The following PLPPR1 variants were observed in gnomAD, a reference collection of about 807,000 sequenced individuals.
The protein encoded by PLPPR1 is phospholipid phosphatase related 1, also known as phospholipid phosphatase-related protein type 1.
A neutral mutation model predicts 33.1 loss-of-function variants in PLPPR1; 10 were observed. That is an observed-to-expected ratio of 0.30 (90% CI 0.19 to 0.51). PLPPR1 has a LOEUF of 0.51. Among genes scored for constraint, PLPPR1 ranks in the 20% least tolerant of loss-of-function variants. The pLI is 0.97. For missense variants in PLPPR1, 304 were observed against 408.1 expected (o/e 0.74, Z 2.20); for synonymous variants, 151 against 151.0 (o/e 1.00, Z 0.00).
chr9:101,151,158 G>T (rs1263552360), intron 1 of PLPPR1, among the ~76,000 whole-genome samples: 1 of 151,872 alleles, frequency 6.6e-6, no homozygotes, highest in Non-Finnish European at 1.5e-5. Context: ...AGCCATGTGT[G>T]GATTATAGAA....
chr9:101,042,873 G>C (rs903788800), intron 1 of PLPPR1, among the ~76,000 whole-genome samples: 1 of 152,104 alleles, frequency 6.6e-6, no homozygotes, highest in African/African-American at 2.4e-5. Flanking sequence ...TTTCTCCTCT[G>C]ACTTTTCCCT....
intron 1 of PLPPR1, among the ~76,000 whole-genome samples, chr9:101,171,504 A>G (rs1825940545): frequency 6.6e-6 from 1 of 152,140 alleles, no homozygotes; most frequent in Non-Finnish European, 1.5e-5. Flanking sequence ...GATCTAGCAG[A>G]AAGAAACTGG....
At chr9:101,260,474 C>T (rs1296846423) in intron 2 of PLPPR1, among the ~76,000 whole-genome samples, 1 of 151,968 alleles carries the variant, frequency 6.6e-6, no homozygotes, top group Non-Finnish European at 1.5e-5. Flanking sequence ...GTAAGGAGAC[C>T]CTTCAGTAAG....
chr9:101,230,238 T>G (rs1242705412), intron 2 of PLPPR1, among the ~76,000 whole-genome samples: 5 of 152,168 alleles, frequency 3.3e-5, no homozygotes, highest in African/African-American at 7.2e-5. Flanking sequence ...AGGATATCGA[T>G]GCAGAGTTCT....
At chr9:101,129,780 G>A (rs1831293047) in intron 1 of PLPPR1, among the ~76,000 whole-genome samples, 1 of 151,998 alleles carries the variant, frequency 6.6e-6, no homozygotes, top group Admixed American at 6.5e-5. Flanking sequence ...GAAGTGAGGC[G>A]AGATCACGCC....
chr9:101,134,057 A>G (rs1462355141), intron 1 of PLPPR1, among the ~76,000 whole-genome samples: 1 of 152,226 alleles, frequency 6.6e-6, no homozygotes, highest in Non-Finnish European at 1.5e-5. Context: ...CTAATATTCA[A>G]GGACAGTTGA....
At chr9:101,078,852 C>T (rs1830582061) in intron 1 of PLPPR1, among the ~76,000 whole-genome samples, 1 of 152,096 alleles carries the variant, frequency 6.6e-6, no homozygotes. Flanking sequence ...TACAGAAAAA[C>T]TCAGCCCTCT....
chr9:101,067,408 T>C (rs922793204), intron 1 of PLPPR1, among the ~76,000 whole-genome samples: 1 of 152,036 alleles, frequency 6.6e-6, no homozygotes, highest in Non-Finnish European at 1.5e-5. Flanking sequence ...AAAACAAATA[T>C]GGTTCTTGCC....
In PLPPR1 at chr9:101,185,487, T is replaced by C. The variant is rs370807466; in HGVS notation, c.-8T>C. On this transcript the variant is annotated 5_prime_UTR_variant, in exon 2 of 8. Coordinates refer to ENST00000374874, the MANE Select transcript of PLPPR1 (RefSeq NM_207299.2). Reference sequence around the variant, plus strand: ...TTGACGGTGCAGTCTTGCTATATGGTGTGAGAAATGGCTGTAGGAAACAAC... The same window carrying C: ...TTGACGGTGCAGTCTTGCTATATGGCGTGAGAAATGGCTGTAGGAAACAAC... 30 of 1,594,408 alleles carry C rather than the reference T, an allele frequency of 1.9e-5. No individual in the cohort carries two copies. Among genetic ancestry groups the C allele is most frequent in the Non-Finnish European group, 2.3e-5 (27 of 1,163,708 alleles).
intron 1 of PLPPR1, among the ~76,000 whole-genome samples, chr9:101,098,805 T>C (rs2118548352): frequency 6.6e-6 from 1 of 152,278 alleles, no homozygotes; most frequent in African/African-American, 2.4e-5. Context: ...GGTACTTTTG[T>C]GGTCTTGGTT....
At chr9:101,148,662 A>C (rs1831549044) in intron 1 of PLPPR1, among the ~76,000 whole-genome samples, 1 of 152,128 alleles carries the variant, frequency 6.6e-6, no homozygotes, top group South Asian at 2.1e-4. Context: ...TACCCAAAAC[A>C]CAATGTAGGT....
rs1418800872 is a variant in PLPPR1 at position 101,130,303 on chromosome 9, C to T, written c.-45-55147C>T. Among the ~76,000 whole-genome samples the T allele has an allele frequency of 8.5e-5, 13 of 152,242 alleles. No homozygotes were observed. In the East Asian group the frequency reaches 1.9e-3, roughly 23 times the overall value. On this transcript the variant is annotated intron_variant, in intron 1 of 7. Coordinates refer to ENST00000374874, the MANE Select transcript of PLPPR1 (RefSeq NM_207299.2). ...TGCTTTGAGACAATCACACAGATGACGCTGAGCAGATTGGGGGCATTCAGG... is the reference window on the plus strand; with the variant it reads ...TGCTTTGAGACAATCACACAGATGATGCTGAGCAGATTGGGGGCATTCAGG...
chr9:101,038,436 G>A (rs994780931), intron 1 of PLPPR1, among the ~76,000 whole-genome samples: 1 of 152,056 alleles, frequency 6.6e-6, no homozygotes, highest in African/African-American at 2.4e-5. Context: ...AAAAAATAAC[G>A]AGAGGACTTA....
At chr9:101,304,988 GAAAAA>G (rs139734502) in intron 4 of PLPPR1, among the ~76,000 whole-genome samples, 1 of 150,588 alleles carries the variant, frequency 6.6e-6, no homozygotes, top group Admixed American at 6.6e-5. Flanking sequence ...ATACATTTAG[GAAAAA>G]AAAAGGTAAG....
chr9:101,130,198 CAAAA>C (rs897680841), intron 1 of PLPPR1, among the ~76,000 whole-genome samples: 1 of 151,710 alleles, frequency 6.6e-6, no homozygotes, highest in Non-Finnish European at 1.5e-5. Context: ...GGGGAAAAAG[CAAAA>C]AAAATTTGTA....
chr9:101,146,204 T>C (rs533038945), intron 1 of PLPPR1, among the ~76,000 whole-genome samples: 42 of 152,276 alleles, frequency 2.8e-4, no homozygotes, highest in African/African-American at 8.2e-4. Flanking sequence ...TGCTACTGCA[T>C]CCCCGATGAC....
chr9:101,159,134 G>A (rs755332639), intron 1 of PLPPR1, among the ~76,000 whole-genome samples: 10 of 152,142 alleles, frequency 6.6e-5, no homozygotes, highest in Non-Finnish European at 1.2e-4. Context: ...AGAAGTAGAA[G>A]CTCTTATTTG....
intron 2 of PLPPR1, among the ~76,000 whole-genome samples, chr9:101,226,936 A>C: frequency 6.6e-6 from 1 of 152,148 alleles, no homozygotes. Context: ...TGGGTGGCAG[A>C]TCTTCTGTGA....
intron 6 of PLPPR1, among the ~76,000 whole-genome samples, chr9:101,317,023 G>C (rs78220794): frequency 0.037 from 5,621 of 152,198 alleles, 174 homozygotes; most frequent in East Asian, 0.12. Context: ...AATCCTCAGG[G>C]TCGTGCCAGA....
Sources: gnomAD v4.1 joint callset for allele counts (sites outside exome capture counted in the v4.1 genomes callset) on GRCh38, gnomAD v4.1.1 for gene constraint, MANE v1.5 for transcripts, NCBI Gene and HGNC (gene_info 2026-07-23, HGNC 2026-07-21) for gene names.